The following RUSC2 variants were observed in gnomAD, a reference collection of about 807,000 sequenced individuals.
The protein encoded by RUSC2 is RUN and SH3 domain containing 2.
Under a neutral mutation model 122.2 loss-of-function variants are expected in RUSC2, and 34 were observed. The observed-to-expected ratio is 0.28, with a 90% CI of 0.21 to 0.37. RUSC2 has a LOEUF of 0.37. Ranked by LOEUF, RUSC2 falls within the 10% of genes least tolerant of loss-of-function variation. RUSC2 has a pLI of 1.00. For synonymous variants in RUSC2, 784 were observed against 790.0 expected (o/e 0.99, Z 0.13); for missense variants, 1,747 against 1,952.4 (o/e 0.89, Z 1.98).
intron 1 of RUSC2, among the ~76,000 whole-genome samples, chr9:35,544,585 C>T (rs938120011): frequency 6.6e-6 from 1 of 152,116 alleles, no homozygotes; most frequent in Non-Finnish European, 1.5e-5. Context: ...GGATTACGGG[C>T]GTGAGCCACT....
chr9:35,529,770 G>A (rs1587851260), intron 1 of RUSC2, among the ~76,000 whole-genome samples: 1 of 152,052 alleles, frequency 6.6e-6, no homozygotes, highest in South Asian at 2.1e-4. Context: ...TGTAATGAAG[G>A]GTTTAAGATC....
intron 1 of RUSC2, among the ~76,000 whole-genome samples, chr9:35,545,622 C>T (rs1229139235): frequency 2.6e-5 from 4 of 152,154 alleles, no homozygotes; most frequent in African/African-American, 9.7e-5. Context: ...GTATCCTGAG[C>T]TAGACGCATG....
At chr9:35,537,828 C>T (rs1001295840) in intron 1 of RUSC2, among the ~76,000 whole-genome samples, 3 of 152,194 alleles carry the variant, frequency 2.0e-5, no homozygotes, top group African/African-American at 7.2e-5. Flanking sequence ...CCAAGCCCTG[C>T]TTAAGACTAT....
rs201923432 is a variant in RUSC2, at chr9:35,560,514, C to G, written c.3874C>G (p.Pro1292Ala). The G allele has an allele frequency of 1.2e-4, 195 of 1,614,064 alleles. No individual in the cohort carries two copies. The highest frequency in any genetic ancestry group is 1.4e-4 in the Non-Finnish European group (171 of 1,180,014). Residue 1292 changes from proline (P) to alanine (A), a missense_variant, in exon 10 of 12, where the codon CCT (proline) becomes GCT (alanine). Pro to Ala is a conservative substitution (Grantham distance 27). Coordinates refer to ENST00000361226, the MANE Select transcript of RUSC2 (RefSeq NM_014806.5). ...TGGCTCCATTGAGGGTTCCAGGTTC[C>G]CTCGTGGTAGCAGCAACAGCAGCAG... ...IDGSIEGSRFPRGSSNSSSEK... is the reference protein window; with the variant it reads ...IDGSIEGSRFARGSSNSSSEK...
intron 1 of RUSC2, chr9:35,538,701 T>C (rs1354022094): frequency 1.3e-5 from 2 of 152,454 alleles, no homozygotes; most frequent in Non-Finnish European, 2.9e-5. Flanking sequence ...CTTTGCTGTC[T>C]TAAGAGTGCT....
chr9:35,553,385 C>G (rs1821940858), intron 2 of RUSC2, among the ~76,000 whole-genome samples: 1 of 152,146 alleles, frequency 6.6e-6, no homozygotes, highest in Non-Finnish European at 1.5e-5. Flanking sequence ...GCCTCTGTTC[C>G]AGGCATTATG....
At chr9:35,538,257 T>C (rs527756334) in intron 1 of RUSC2, among the ~76,000 whole-genome samples, 5 of 152,134 alleles carry the variant, frequency 3.3e-5, no homozygotes, top group African/African-American at 1.2e-4. Flanking sequence ...TTGAATACCG[T>C]GTTAGGAAGA....
chr9:35,497,762 A>G (rs1327248572), intron 1 of RUSC2, among the ~76,000 whole-genome samples: 1 of 152,198 alleles, frequency 6.6e-6, no homozygotes. Context: ...GCTATTAAAC[A>G]TGAGATCATT....
Position 35,547,086 on chromosome 9 carries a change from C to G in RUSC2, c.565C>G (p.His189Asp). Reference sequence around the variant, plus strand: ...GGATACTCAGCAGTGCGGCACCAGCCACTGCTGCCGGCCAGAGCTGGAAGC... The same window carrying G: ...GGATACTCAGCAGTGCGGCACCAGCGACTGCTGCCGGCCAGAGCTGGAAGC... Reference protein sequence around the residue: ...TLDTQQCGTSHCCRPELEAET... With the variant: ...TLDTQQCGTSDCCRPELEAET... The change falls in exon 2 of 12, where the codon CAC becomes GAC. Residue 189 changes from histidine (H) to aspartate (D), a missense_variant. Physicochemically the swap from His to Asp is moderately conservative, Grantham distance 81 (BLOSUM62 -1). Coordinates refer to ENST00000361226, the MANE Select transcript of RUSC2 (RefSeq NM_014806.5). This position sits in a 1 kb window ranked among gnomAD's most constrained non-coding sequence, Gnocchi z 4.6. The G allele has an allele frequency of 6.2e-7, 1 of 1,613,924 alleles. No individual in the cohort carries two copies. Among genetic ancestry groups the G allele is most frequent in the Non-Finnish European group, 8.5e-7 (1 of 1,179,912 alleles).
At chr9:35,556,251 TG>T in intron 4 of RUSC2, 56 bp from the exon 5 acceptor site, 2 of 1,604,976 alleles carry the variant, frequency 1.2e-6, no homozygotes, top group Non-Finnish European at 1.7e-6. Context: ...GGCACTGAAC[TG>T]GCCTGGAACT....
intron 1 of RUSC2, among the ~76,000 whole-genome samples, chr9:35,532,875 A>G (rs987095685): frequency 3.3e-5 from 5 of 152,186 alleles, no homozygotes; most frequent in African/African-American, 1.2e-4. Flanking sequence ...ATGTTATTAG[A>G]AAAAAGATTT....
intron 4 of RUSC2, 61 bp from the exon 5 acceptor site, chr9:35,556,247 G>T: frequency 2.5e-6 from 4 of 1,604,074 alleles, no homozygotes; most frequent in Non-Finnish European, 3.4e-6. Context: ...ACGAGGCACT[G>T]AACTGGCCTG....
chr9:35,513,841 G>A (rs1439393830), intron 1 of RUSC2, among the ~76,000 whole-genome samples: 1 of 142,162 alleles, frequency 7.0e-6, no homozygotes, highest in African/African-American at 2.6e-5. Flanking sequence ...GCAAGACCCT[G>A]TCTCTATAAA....
intron 1 of RUSC2, among the ~76,000 whole-genome samples, chr9:35,533,064 G>A (rs1034952949): frequency 1.3e-5 from 2 of 151,936 alleles, no homozygotes; most frequent in African/African-American, 4.8e-5. Flanking sequence ...TGGGCAACAT[G>A]GCGAAACCCC....
In RUSC2 at chr9:35,547,679, G is replaced by A. The variant is rs752945422; in HGVS notation, c.1158G>A (p.Gln386=). 2 of 1,614,052 alleles carry A rather than the reference G, an allele frequency of 1.2e-6. No individual in the cohort carries two copies. The highest frequency in any genetic ancestry group is 2.7e-5 in the African/African-American group (2 of 74,918). The part of the protein sequence containing the change: ...VADLTACFQS[Q]ARLVVATQNY... The stretch of plus-strand genomic sequence containing the variant: ...ACCTCACAGCCTGCTTCCAAAGCCA[G>A]GCCCGTCTTGTTGTGGCCACACAAA... Residue 386 remains glutamine (Q), a synonymous_variant, in exon 2 of 12, where the codon CAG becomes CAA. Transcript: ENST00000361226. This position sits in a 1 kb window ranked among gnomAD's most constrained non-coding sequence, Gnocchi z 4.6.
At chr9:35,531,094 C>T (rs915553509) in intron 1 of RUSC2, among the ~76,000 whole-genome samples, 2 of 151,916 alleles carry the variant, frequency 1.3e-5, no homozygotes, top group African/African-American at 2.4e-5. Flanking sequence ...CCCGTCTCCA[C>T]TAAAAAATAC....
At chr9:35,503,712 T>TTCCCAATAGCA (rs58582133) in intron 1 of RUSC2, among the ~76,000 whole-genome samples, 149,026 of 152,038 alleles carry the variant, frequency 0.98, 73,100 homozygotes, top group East Asian at 1. Context: ...CCAGTTTACA[T>TTCCCAATAGCA]TCCCAATAGC....
chr9:35,542,935 C>T (rs1380124478), intron 1 of RUSC2, among the ~76,000 whole-genome samples: 1 of 152,098 alleles, frequency 6.6e-6, no homozygotes, highest in Non-Finnish European at 1.5e-5. Flanking sequence ...TTGTGAATGC[C>T]TCTTGAAAAT....
chr9:35,528,398 AG>A (rs1821359964), intron 1 of RUSC2, among the ~76,000 whole-genome samples: 1 of 151,792 alleles, frequency 6.6e-6, no homozygotes, highest in Non-Finnish European at 1.5e-5. Flanking sequence ...AAAAAAAAAA[AG>A]TATATATTAT....
Sources: gnomAD v4.1 joint callset for allele counts (sites outside exome capture counted in the v4.1 genomes callset) on GRCh38, gnomAD v4.1.1 for gene constraint, Gnocchi (gnomAD v3.1) non-coding constraint, MANE v1.5 for transcripts, NCBI Gene and HGNC (gene_info 2026-07-23, HGNC 2026-07-21) for gene names.